Variants in ABCC4 observed in about 807,000 individuals in gnomAD.
The protein encoded by ABCC4 is ATP binding cassette subfamily C member 4 (PEL blood group).
A neutral mutation model predicts 168.5 loss-of-function variants in ABCC4; 102 were observed. That is an observed-to-expected ratio of 0.61 (90% CI 0.52 to 0.71). ABCC4 has a LOEUF of 0.71. Ranked by LOEUF, ABCC4 falls within the 30% of genes least tolerant of loss-of-function variation. The pLI is 0.00. For missense variants in ABCC4, 1,402 were observed against 1,605.8 expected, an observed-to-expected ratio of 0.87 and a Z score of 2.17; for synonymous variants, 617 against 590.7, an observed-to-expected ratio of 1.04 and a Z score of -0.65.
intron 4 of ABCC4, among the ~76,000 whole-genome samples, chr13:95,231,171 G>A (rs1308584534): frequency 6.6e-6 from 1 of 152,120 alleles, no homozygotes; most frequent in Non-Finnish European, 1.5e-5. Context: ...TTTCCACCTG[G>A]GAAGATGAAC....
At chr13:95,113,283 G>A (rs2035264201) in intron 20 of ABCC4, among the ~76,000 whole-genome samples, 1 of 152,136 alleles carries the variant, frequency 6.6e-6, no homozygotes, top group African/African-American at 2.4e-5. Context: ...CTTTAATTCA[G>A]GAGACTACTT....
At chr13:95,086,115 G>GTGTGTC (rs1289522421) in intron 20 of ABCC4, among the ~76,000 whole-genome samples, 1 of 151,882 alleles carries the variant, frequency 6.6e-6, no homozygotes, top group East Asian at 1.9e-4. Flanking sequence ...GTGTGTGTGT[G>GTGTGTC]TGTGGTTATA....
intron 8 of ABCC4, among the ~76,000 whole-genome samples, chr13:95,203,388 G>A (rs1009070148): frequency 1.2e-4 from 17 of 143,486 alleles, no homozygotes; most frequent in Non-Finnish European, 2.4e-4. Context: ...CCAGACTACA[G>A]TGCAGTGGCG....
intron 20 of ABCC4, among the ~76,000 whole-genome samples, chr13:95,103,486 T>A (rs905291858): frequency 6.6e-6 from 1 of 152,206 alleles, no homozygotes; most frequent in Non-Finnish European, 1.5e-5. Context: ...CTGACAGCTT[T>A]AACAGTTGAT....
At chr13:95,240,159 G>A (rs1410542613) in intron 3 of ABCC4, among the ~76,000 whole-genome samples, 2 of 152,168 alleles carry the variant, frequency 1.3e-5, no homozygotes, top group African/African-American at 4.8e-5. Flanking sequence ...GGATGTAGAG[G>A]GTCACAAGAG....
chr13:95,209,304 C>T (rs35753281), intron 6 of ABCC4, 130 bp downstream of exon 6: 1 of 1,124,382 alleles, frequency 8.9e-7, no homozygotes, highest in Non-Finnish European at 1.2e-6. Flanking sequence ...TTGGCTGAGC[C>T]TGAAGAGCTG....
chr13:95,175,621 T>C (rs966225336), intron 13 of ABCC4, among the ~76,000 whole-genome samples: 5 of 152,192 alleles, frequency 3.3e-5, no homozygotes, highest in Non-Finnish European at 5.9e-5. Context: ...ACAGAACCTT[T>C]AGAGAAGTAA....
chr13:95,148,591 A>AACACAC (rs55998383), intron 19 of ABCC4, among the ~76,000 whole-genome samples: 3,568 of 129,718 alleles, frequency 0.028, 73 homozygotes, highest in Middle Eastern at 0.042. Flanking sequence ...TACCCATCAC[A>AACACAC]ACACACACAC....
chr13:95,241,661 G>A (rs1336042903), intron 3 of ABCC4, among the ~76,000 whole-genome samples: 2 of 152,124 alleles, frequency 1.3e-5, no homozygotes, highest in African/African-American at 4.8e-5. Context: ...GCATTTGCCT[G>A]GAAGAGCACC....
intron 30 of ABCC4, among the ~76,000 whole-genome samples, chr13:95,025,212 CCCACACACCCCCACACACACCCATACACA>C (rs2031373008): frequency 2.0e-5 from 1 of 49,000 alleles, no homozygotes; most frequent in Non-Finnish European, 4.0e-5. Flanking sequence ...CCCCACACCC[CCCACACACCCCCACACACACCCATACACA>C]CACACCCACA....
At chr13:95,278,511 G>C (rs1001851708) in intron 1 of ABCC4, among the ~76,000 whole-genome samples, 2 of 152,140 alleles carry the variant, frequency 1.3e-5, no homozygotes, top group African/African-American at 2.4e-5. Context: ...CCCAGACAGA[G>C]AGGCAAGGGG....
chr13:95,172,933 G>A (rs1438789853), intron 13 of ABCC4, among the ~76,000 whole-genome samples: 1 of 152,158 alleles, frequency 6.6e-6, no homozygotes, highest in Non-Finnish European at 1.5e-5. Context: ...GGAAGGAAGG[G>A]ATGGAGGGAG....
chr13:95,167,158 C>T (rs1156613479), intron 14 of ABCC4, among the ~76,000 whole-genome samples: 1 of 150,868 alleles, frequency 6.6e-6, no homozygotes, highest in African/African-American at 2.5e-5. Context: ...GCCTGGATGA[C>T]AAGAGCGAAA....
chr13:95,061,273 G>T (rs2033281038), intron 26 of ABCC4, among the ~76,000 whole-genome samples: 1 of 152,052 alleles, frequency 6.6e-6, no homozygotes. Context: ...CTCATTTTTT[G>T]AGGAATCTCT....
intron 25 of ABCC4, among the ~76,000 whole-genome samples, chr13:95,070,264 G>A (rs868292328): frequency 5.3e-5 from 8 of 152,104 alleles, no homozygotes; most frequent in Non-Finnish European, 8.8e-5. Context: ...TCTATAAGAT[G>A]ATGTGGAGAA....
chr13:95,222,222 G>C (rs2039328692), intron 4 of ABCC4, among the ~76,000 whole-genome samples: 1 of 144,444 alleles, frequency 6.9e-6, no homozygotes, highest in African/African-American at 2.5e-5. Flanking sequence ...ATAAACATCT[G>C]GGCTATTCAA....
chr13:95,279,952 C>T (rs946104981), intron 1 of ABCC4, among the ~76,000 whole-genome samples: 13 of 152,150 alleles, frequency 8.5e-5, no homozygotes, highest in African/African-American at 2.9e-4. Flanking sequence ...CCCACCACAA[C>T]ATCTCAGCAT....
intron 1 of ABCC4, among the ~76,000 whole-genome samples, chr13:95,276,689 C>T (rs539326882): frequency 3.3e-5 from 5 of 152,214 alleles, no homozygotes; most frequent in African/African-American, 1.2e-4. Context: ...CCTCTCAAAC[C>T]ACAGCATATA....
chr13:95,087,653 C>T (rs1440127910), intron 20 of ABCC4, among the ~76,000 whole-genome samples: 3 of 152,112 alleles, frequency 2.0e-5, no homozygotes, highest in African/African-American at 7.2e-5. Context: ...TTATCATTAC[C>T]TTCAATTACA....
Sources: gnomAD v4.1 joint callset for allele counts (sites outside exome capture counted in the v4.1 genomes callset) on GRCh38, gnomAD v4.1.1 for gene constraint, MANE v1.5 for transcripts, NCBI Gene and HGNC (gene_info 2026-07-23, HGNC 2026-07-21) for gene names.